Variants in RFC3 observed in about 807,000 individuals in gnomAD.
RFC3 encodes A1 38 kDa subunit.
RFC3 carries 41 observed loss-of-function variants against 45.1 expected under a neutral mutation model. The observed-to-expected ratio is 0.91, with a 90% confidence interval of 0.71 to 1.18. The LOEUF (loss-of-function observed/expected upper bound fraction) is 1.18. Ranked by LOEUF, RFC3 falls within the 50% of genes most tolerant of loss-of-function variation. The pLI, the probability that RFC3 is intolerant of heterozygous loss-of-function variation, is 0.00. For synonymous variants in RFC3, 149 were observed against 144.0 expected, an observed-to-expected ratio of 1.03 and a Z score of -0.25; for missense variants, 423 against 428.1, an observed-to-expected ratio of 0.99 and a Z score of 0.10.
intron 8 of RFC3, among the ~76,000 whole-genome samples, chr13:33,874,499 A>T (rs1457980285): frequency 6.6e-6 from 1 of 152,106 alleles, no homozygotes; most frequent in Non-Finnish European, 1.5e-5. Flanking sequence ...TTGTATTTTT[A>T]TTGGAGACGG....
intron 8 of RFC3, among the ~76,000 whole-genome samples, chr13:33,903,119 A>G (rs1417651100): frequency 6.6e-6 from 1 of 151,716 alleles, no homozygotes; most frequent in Non-Finnish European, 1.5e-5. Flanking sequence ...ACACAATCCA[A>G]CCCCTGCCAA....
chr13:33,969,273 A>G (rs76321929), downstream of RFC3, among the ~76,000 whole-genome samples: 2,212 of 152,328 alleles, frequency 0.015, 26 homozygotes, highest in Non-Finnish European at 0.02. Context: ...CCTCAAAGCT[A>G]AAGCAATTAG....
At chr13:33,822,819 A>G (rs2082015515) in intron 2 of RFC3, among the ~76,000 whole-genome samples, 1 of 152,204 alleles carries the variant, frequency 6.6e-6, no homozygotes, top group Non-Finnish European at 1.5e-5. Flanking sequence ...GTAGGAAAAC[A>G]TGGAAACTAT....
chr13:33,882,349 T>G (rs1269909055), intron 8 of RFC3, among the ~76,000 whole-genome samples: 1 of 152,190 alleles, frequency 6.6e-6, no homozygotes. Context: ...TCCACCATAG[T>G]CAGGACGCAT....
At position 33,836,149 on chromosome 13, in the gene RFC3, G is replaced by C. The variant is rs763342958; in HGVS notation, c.925G>C (p.Gly309Arg). 2 of 1,613,214 alleles carry C rather than the reference G, an allele frequency of 1.2e-6. No individual in the cohort carries two copies. Among genetic ancestry groups the C allele is most frequent in the Non-Finnish European group, 8.5e-7 (1 of 1,179,344 alleles). ...ACATAATTGTGATGGACAACTGAAA[G>C]GGGAGGTGGCACAAATGGCAGCTTA... is the stretch of plus-strand genomic sequence containing the variant. Reference protein sequence around the residue: ...LLHNCDGQLKGEVAQMAAYYE... With the variant: ...LLHNCDGQLKREVAQMAAYYE... Residue 309 changes from glycine (G) to arginine (R), a missense_variant, in exon 9 of 9, where the codon GGG (glycine) becomes CGG (arginine). Physicochemically the swap from Gly to Arg is moderately radical, Grantham distance 125. Transcript: ENST00000380071.
chr13:33,819,257 A>T (rs191201950), intron 1 of RFC3, among the ~76,000 whole-genome samples: 142 of 152,282 alleles, frequency 9.3e-4, no homozygotes, highest in Non-Finnish European at 1.4e-3. Context: ...GTTGTAGTTG[A>T]TAAAAGTGCC....
At chr13:33,924,386 C>T (rs1209763769) in intron 8 of RFC3, among the ~76,000 whole-genome samples, 2 of 151,942 alleles carry the variant, frequency 1.3e-5, no homozygotes, top group South Asian at 2.1e-4. Flanking sequence ...AGGTCAAATC[C>T]TACCTGCTGA....
At chr13:33,942,891 G>A (rs1200466330) in intron 8 of RFC3, among the ~76,000 whole-genome samples, 1 of 152,150 alleles carries the variant, frequency 6.6e-6, no homozygotes, top group Non-Finnish European at 1.5e-5. Flanking sequence ...CAGTTGGCCT[G>A]TTCCAATGAC....
At chr13:33,955,386 G>A (rs956174547) in intron 8 of RFC3, among the ~76,000 whole-genome samples, 48 of 152,126 alleles carry the variant, frequency 3.2e-4, no homozygotes, top group African/African-American at 1.1e-3. Flanking sequence ...ACAAGTGAAA[G>A]AGTAGAATGA....
At chr13:33,847,162 A>T (rs956658624) in intron 8 of RFC3, 1 of 152,284 alleles carries the variant, frequency 6.6e-6, no homozygotes, top group African/African-American at 2.4e-5. Flanking sequence ...TCAGCCTCCC[A>T]AAGTGCTGGG....
At chr13:33,948,769 A>G (rs563188837) in intron 8 of RFC3, among the ~76,000 whole-genome samples, 2 of 152,290 alleles carry the variant, frequency 1.3e-5, no homozygotes, top group East Asian at 3.9e-4. Context: ...TGACTACCCT[A>G]TTGGATTTTG....
intron 4 of RFC3, among the ~76,000 whole-genome samples, chr13:33,827,729 A>G (rs1359560408): frequency 6.6e-6 from 1 of 152,220 alleles, no homozygotes; most frequent in Non-Finnish European, 1.5e-5. Flanking sequence ...TGTCTCTTTC[A>G]TATCCATAAA....
intron 8 of RFC3, among the ~76,000 whole-genome samples, chr13:33,949,036 A>G (rs1288986170): frequency 6.6e-6 from 1 of 152,106 alleles, no homozygotes; most frequent in East Asian, 1.9e-4. Context: ...ATGTGAGTAC[A>G]TGAGATTTGG....
intron 8 of RFC3, among the ~76,000 whole-genome samples, chr13:33,852,692 G>GA (rs1399367661): frequency 2.0e-5 from 3 of 152,138 alleles, no homozygotes; most frequent in Admixed American, 2.0e-4. Flanking sequence ...AGTTTATAAA[G>GA]ACTTATAATA....
intron 8 of RFC3, among the ~76,000 whole-genome samples, chr13:33,956,153 T>G (rs1245429413): frequency 6.6e-6 from 1 of 152,166 alleles, no homozygotes; most frequent in African/African-American, 2.4e-5. Flanking sequence ...CTATCTTGCC[T>G]CCTCTTGGAA....
chr13:33,860,315 AAGG>A (rs2082332918), intron 8 of RFC3, among the ~76,000 whole-genome samples: 1 of 151,000 alleles, frequency 6.6e-6, no homozygotes, highest in South Asian at 2.1e-4. Flanking sequence ...AAACCAAGGG[AAGG>A]AGGAGGATGG....
chr13:33,944,801 T>A (rs1307235994), intron 8 of RFC3, among the ~76,000 whole-genome samples: 1 of 151,960 alleles, frequency 6.6e-6, no homozygotes, highest in Non-Finnish European at 1.5e-5. Context: ...TGCCAAGAGA[T>A]GAGAAGATAT....
intron 8 of RFC3, among the ~76,000 whole-genome samples, chr13:33,965,636 A>G (rs1031291027): frequency 5.3e-5 from 8 of 152,228 alleles, no homozygotes; most frequent in African/African-American, 1.9e-4. Context: ...TTGCATTTTT[A>G]TAATGAAAAG....
chr13:33,833,119 A>G (rs943548266), intron 7 of RFC3, among the ~76,000 whole-genome samples: 6 of 152,194 alleles, frequency 3.9e-5, no homozygotes, highest in African/African-American at 1.4e-4. Flanking sequence ...GGGGCTGGCC[A>G]GAAATCCTGG....
Sources: gnomAD v4.1 joint callset for allele counts (sites outside exome capture counted in the v4.1 genomes callset) on GRCh38, gnomAD v4.1.1 for gene constraint, MANE v1.5 for transcripts, NCBI Gene and HGNC (gene_info 2026-07-23, HGNC 2026-07-21) for gene names.